Variants in CUEDC1 observed in about 807,000 individuals in gnomAD.
CUEDC1 encodes CUE domain-containing protein 1.
A neutral mutation model predicts 43.7 loss-of-function variants in CUEDC1; 30 were observed. The ratio of observed to expected loss-of-function variants is 0.69; its 90% CI spans 0.51 to 0.93. The LOEUF is 0.93. Among genes scored for constraint, CUEDC1 ranks in the 40% least tolerant of loss-of-function variants. CUEDC1 has a pLI of 0.00. For missense variants in CUEDC1, 486 were observed against 549.0 expected (o/e 0.89, Z 1.15); for synonymous variants, 223 against 223.6 (o/e 1.00, Z 0.02).
rs898625935 is a variant in CUEDC1, at chr17:57,862,107, C to T, written c.*1182G>A. 14 of 152,254 alleles carry T rather than the reference C, an allele frequency of 9.2e-5. No homozygotes were observed. Among genetic ancestry groups the T allele is most frequent in the Admixed American group, 8.5e-4 (13 of 15,284 alleles). The allele number at this position is 152,254 out of a possible 1,614,324, so 9.4% of individuals were successfully genotyped here. A position where few individuals can be genotyped will look rare whatever the true frequency, so the allele number is the denominator to read the frequency against. On this transcript the variant is annotated 3_prime_UTR_variant, in exon 11 of 11. Transcript: ENST00000577830. ...CCACTCCCAACCTCCCAGAGCCGCG[C>T]CGAAGCCTCGTGCCTGCCCAGGCTT...
intron 1 of CUEDC1, among the ~76,000 whole-genome samples, chr17:57,946,794 C>G (rs946832060): frequency 6.6e-6 from 1 of 152,164 alleles, no homozygotes; most frequent in Non-Finnish European, 1.5e-5. Flanking sequence ...CATCTGATAT[C>G]TTCATACGCT....
intron 1 of CUEDC1, among the ~76,000 whole-genome samples, chr17:57,942,039 C>T (rs1203933694): frequency 1.3e-5 from 2 of 152,122 alleles, no homozygotes; most frequent in African/African-American, 2.4e-5. Flanking sequence ...ACCCCTTCTT[C>T]GGTGGCAGCC....
intron 9 of CUEDC1, 131 bp downstream of exon 9, chr17:57,867,226 C>G: frequency 1.2e-6 from 1 of 836,890 alleles, no homozygotes; most frequent in Non-Finnish European, 2.0e-6. Flanking sequence ...ATCTTTGGGT[C>G]ACCTGCCCAC....
At position 57,885,295 on chromosome 17, in the gene CUEDC1, C is replaced by T. The variant is rs1345148443; in HGVS notation, c.270G>A (p.Glu90=). ...AGACGCCGCCGCTGCTGCCACCGCCCTCCAGGTTCATCTGCAGCAGCTGGT... is the reference window on the plus strand; with the variant it reads ...AGACGCCGCCGCTGCTGCCACCGCCTTCCAGGTTCATCTGCAGCAGCTGGT... The part of the protein sequence containing the change: ...TIDQLLQMNL[E]GGGSSGGVYE... The change falls in exon 2 of 11, where the codon GAG becomes GAA. Residue 90 remains glutamate (E), a synonymous_variant. Coordinates refer to ENST00000577830, the MANE Select transcript of CUEDC1 (RefSeq NM_001271875.2). 4 of 1,610,050 alleles carry T rather than the reference C, an allele frequency of 2.5e-6. No homozygotes were observed. Among genetic ancestry groups the T allele is most frequent in the Non-Finnish European group, 1.7e-6 (2 of 1,178,684 alleles).
chr17:57,886,728 ACACT>A (rs1232013362), intron 1 of CUEDC1, among the ~76,000 whole-genome samples: 2 of 152,160 alleles, frequency 1.3e-5, no homozygotes, highest in African/African-American at 4.8e-5. Context: ...TTCTTATGGA[ACACT>A]CAGTGTCCTT....
At chr17:57,891,246 C>G (rs1597988122) in intron 1 of CUEDC1, among the ~76,000 whole-genome samples, 1 of 152,242 alleles carries the variant, frequency 6.6e-6, no homozygotes, top group Non-Finnish European at 1.5e-5. Context: ...GTGATTCCCT[C>G]CGACCCCAAC....
At position 57,865,819 on chromosome 17, in the gene CUEDC1, TTTTC is replaced by T. The variant is rs1397858047; in HGVS notation, c.*3+651_*3+654del. 3.7e-5 allele frequency among the ~76,000 whole-genome samples: 5 copies of T among 133,942 alleles called. No individual in the cohort carries two copies. The East Asian group carries it at 5.8e-4, about 16-fold the overall frequency. 87.9% of individuals were successfully genotyped at this position (133,942 alleles called of 152,430 possible). A position where few individuals can be genotyped will look rare whatever the true frequency, so the allele number is the denominator to read the frequency against. Reference sequence around the variant, plus strand: ...GGGTTGAGACCACCTCAGTTTTTCTTTTTCTTTTTTTTTTTTTTTTGAGATGAAG... The same window carrying T: ...GGGTTGAGACCACCTCAGTTTTTCTTTTTTTTTTTTTTTTTTGAGATGAAG... On this transcript the variant is annotated intron_variant, in intron 10 of 10. Transcript: ENST00000577830.
At chr17:57,893,383 GC>G (rs1220769829) in intron 1 of CUEDC1, among the ~76,000 whole-genome samples, 1 of 152,022 alleles carries the variant, frequency 6.6e-6, no homozygotes, top group Non-Finnish European at 1.5e-5. Flanking sequence ...GTTTCAGGCA[GC>G]CCTGACAGAG....
intron 1 of CUEDC1, among the ~76,000 whole-genome samples, chr17:57,913,966 G>C (rs2074611700): frequency 6.6e-6 from 1 of 152,170 alleles, no homozygotes; most frequent in Admixed American, 6.5e-5. Flanking sequence ...ACTCCCACGT[G>C]GCTTTGGCCT....
At chr17:57,937,017 C>T (rs912304211) in intron 1 of CUEDC1, among the ~76,000 whole-genome samples, 1 of 151,842 alleles carries the variant, frequency 6.6e-6, no homozygotes, top group Non-Finnish European at 1.5e-5. Context: ...GACAGGGTTT[C>T]ACCATGTTGG....
chr17:57,869,246 G>A lies in CUEDC1; in HGVS notation c.869-53C>T, dbSNP rs1597968370. ...GCCACCGTGGCCAGCCATGGCCGCT[G>A]TCCCAGCCCTACCCACCCATCTGAG... On this transcript the variant is annotated intron_variant, in intron 6 of 10. Transcript: ENST00000577830. The A allele has an allele frequency of 5.9e-6, 9 of 1,515,130 alleles. No homozygotes were observed. In the East Asian group the frequency reaches 1.1e-4, roughly 19 times the overall value. The allele number at this position is 1,515,130 out of a possible 1,614,324, so 93.9% of individuals were successfully genotyped here.
At chr17:57,949,676 G>C (rs993885480) in intron 1 of CUEDC1, among the ~76,000 whole-genome samples, 1 of 147,806 alleles carries the variant, frequency 6.8e-6, no homozygotes, top group African/African-American at 2.5e-5. Context: ...AGGCTCAAGC[G>C]ATCCTCCCAC....
In CUEDC1 at chr17:57,885,223, C is replaced by A. The variant is rs778297264; in HGVS notation, c.336+6G>T. 4 of 1,558,144 alleles carry A rather than the reference C, an allele frequency of 2.6e-6. No homozygotes were observed. The highest frequency in any genetic ancestry group is 3.5e-6 in the Non-Finnish European group (4 of 1,149,304). ...GTGGTTGGAATTACCCGGGCTGCGC[C>A]CCTACCTCCGGGGGGATGCTGTCCT... On this transcript the variant is annotated splice_donor_region_variant and intron_variant, in intron 2 of 10. Transcript: ENST00000577830.
chr17:57,877,634 C>T (rs555242931), intron 3 of CUEDC1, among the ~76,000 whole-genome samples: 2 of 150,652 alleles, frequency 1.3e-5, no homozygotes, highest in Non-Finnish European at 1.5e-5. Context: ...TATCTGCAAT[C>T]CCAGCACTTT....
intron 1 of CUEDC1, among the ~76,000 whole-genome samples, chr17:57,924,859 C>G (rs952909134): frequency 2.0e-5 from 3 of 152,090 alleles, no homozygotes; most frequent in African/African-American, 7.2e-5. Flanking sequence ...ACCAAGAGAA[C>G]CCAAACAAAT....
At chr17:57,882,041 C>T (rs1018808888) in intron 2 of CUEDC1, among the ~76,000 whole-genome samples, 7 of 152,206 alleles carry the variant, frequency 4.6e-5, no homozygotes, top group African/African-American at 1.4e-4. Context: ...GGCTCTGCAG[C>T]CTCCTGGCTT....
At chr17:57,947,715 C>T (rs148243735) in intron 1 of CUEDC1, among the ~76,000 whole-genome samples, 2 of 152,238 alleles carry the variant, frequency 1.3e-5, no homozygotes, top group African/African-American at 2.4e-5. Flanking sequence ...ACACAAGAAT[C>T]ATTTGAAACT....
intron 8 of CUEDC1, 196 bp from the exon 9 acceptor site, chr17:57,867,611 C>T (rs1047262681): frequency 1.0e-5 from 6 of 601,014 alleles, no homozygotes; most frequent in African/African-American, 7.4e-5. Flanking sequence ...CTGACACTCT[C>T]GCCCAGCTTA....
rs116062086 is a variant in CUEDC1 at position 57,867,249 on chromosome 17, T to A, written c.1093+108A>T. 2.4e-3 allele frequency: 2,457 copies of A among 1,035,806 alleles called. 27 individuals are homozygous for A. In the African/African-American group the frequency reaches 0.033, roughly 14 times the overall value. 64.2% of individuals were successfully genotyped at this position (1,035,806 alleles called of 1,614,324 possible). On this transcript the variant is annotated intron_variant, in intron 9 of 10. Transcript: ENST00000577830. ...GTCACCTGCCCACCAACCCTCAGTG[T>A]GTTCCTCCAGGGGACAGGGCGGGTG...
Sources: allele counts gnomAD v4.1 joint callset (sites outside exome capture counted in the v4.1 genomes callset), GRCh38; gene constraint gnomAD v4.1.1; transcripts MANE v1.5; gene names NCBI Gene and HGNC (gene_info 2026-07-23, HGNC 2026-07-21).